HDAC9: variants seen among roughly 807,000 people sequenced by gnomAD.
The protein encoded by HDAC9 is histone deacetylase 9, also known as MEF-2 interacting transcription repressor (MITR) protein.
A neutral mutation model predicts 139.4 loss-of-function variants in HDAC9; 41 were observed. The observed-to-expected ratio is 0.29, with a 90% CI of 0.23 to 0.38. HDAC9 has a LOEUF of 0.38. Ranked by LOEUF, HDAC9 falls within the 10% of genes least tolerant of loss-of-function variation. The pLI is 1.00. For missense variants in HDAC9, 1,147 were observed against 1,297.0 expected (o/e 0.88, Z 1.78); for synonymous variants, 517 against 476.2 (o/e 1.09, Z -1.12).
chr7:18,340,744 A>T (rs1781942951), intron 1 of HDAC9, among the ~76,000 whole-genome samples: 1 of 151,612 alleles, frequency 6.6e-6, no homozygotes, highest in South Asian at 2.1e-4. Context: ...TTGTTTAAAC[A>T]TTCAAGTATC....
intron 1 of HDAC9, among the ~76,000 whole-genome samples, chr7:18,328,749 C>A (rs1222384682): frequency 6.6e-6 from 1 of 151,730 alleles, no homozygotes; most frequent in Non-Finnish European, 1.5e-5. Flanking sequence ...GAATATTGGC[C>A]TGTAGTTTAT....
At chr7:18,558,569 T>G (rs1233585285) in intron 2 of HDAC9, among the ~76,000 whole-genome samples, 2 of 152,162 alleles carry the variant, frequency 1.3e-5, no homozygotes, top group Non-Finnish European at 2.9e-5. Context: ...ATAAATAGAT[T>G]TAGTCCCTCT....
chr7:18,705,322 C>G (rs1783802196), intron 12 of HDAC9, among the ~76,000 whole-genome samples: 1 of 152,122 alleles, frequency 6.6e-6, no homozygotes, highest in Non-Finnish European at 1.5e-5. Flanking sequence ...TAGTAACACC[C>G]TTCTTCCCTA....
chr7:18,784,816 G>A (rs1439901350), intron 16 of HDAC9, among the ~76,000 whole-genome samples: 2 of 152,058 alleles, frequency 1.3e-5, no homozygotes, highest in Admixed American at 6.6e-5. Flanking sequence ...TTAACAGAAT[G>A]AATCATGGCC....
At chr7:18,138,872 T>C (rs1472852364) in intron 1 of HDAC9, among the ~76,000 whole-genome samples, 1 of 152,104 alleles carries the variant, frequency 6.6e-6, no homozygotes, top group East Asian at 1.9e-4. Flanking sequence ...TTCTCTTTAT[T>C]ATACCTTCCT....
At chr7:18,104,784 C>G (rs975098959) in intron 1 of HDAC9, among the ~76,000 whole-genome samples, 1 of 152,114 alleles carries the variant, frequency 6.6e-6, no homozygotes, top group Non-Finnish European at 1.5e-5. Flanking sequence ...TCCCTTTACT[C>G]TGTAAGGGAG....
intron 14 of HDAC9, among the ~76,000 whole-genome samples, chr7:18,751,475 C>T (rs1461657091): frequency 1.3e-5 from 2 of 151,854 alleles, no homozygotes; most frequent in Non-Finnish European, 2.9e-5. Flanking sequence ...ATTATGTTGC[C>T]GATATTATTT....
At chr7:18,336,037 A>G (rs1781558645) in intron 1 of HDAC9, among the ~76,000 whole-genome samples, 1 of 151,648 alleles carries the variant, frequency 6.6e-6, no homozygotes, top group South Asian at 2.1e-4. Context: ...ATGCTTTTAC[A>G]TTTTCTCTTA....
intron 9 of HDAC9, among the ~76,000 whole-genome samples, chr7:18,645,049 A>G (rs1248197759): frequency 2.0e-5 from 3 of 152,124 alleles, no homozygotes; most frequent in Admixed American, 6.6e-5. Flanking sequence ...AAAAAAAAGC[A>G]CTTTCCAGAT....
At chr7:18,214,099 A>G (rs1330245495) in intron 2 of HDAC9, among the ~76,000 whole-genome samples, 1 of 152,158 alleles carries the variant, frequency 6.6e-6, no homozygotes, top group East Asian at 1.9e-4. Context: ...TTTAAGCCTC[A>G]CTACAACATA....
At chr7:18,138,556 G>GCACA (rs1562662974) in intron 1 of HDAC9, among the ~76,000 whole-genome samples, 2 of 133,488 alleles carry the variant, frequency 1.5e-5, no homozygotes, top group African/African-American at 6.6e-5. Context: ...GTGTGTGTGT[G>GCACA]TGTGTGTGCA....
At chr7:18,869,220 C>G (rs1798729554) in intron 21 of HDAC9, among the ~76,000 whole-genome samples, 1 of 147,706 alleles carries the variant, frequency 6.8e-6, no homozygotes, top group South Asian at 2.1e-4. Context: ...GGAGAGTTGT[C>G]TTGGTCCGGA....
At chr7:18,549,955 T>C (rs1816561457) in intron 2 of HDAC9, among the ~76,000 whole-genome samples, 1 of 151,944 alleles carries the variant, frequency 6.6e-6, no homozygotes, top group Admixed American at 6.6e-5. Context: ...CTTTTTTTTT[T>C]GTAGGATACT....
intron 2 of HDAC9, among the ~76,000 whole-genome samples, chr7:18,246,522 C>A (rs1284767155): frequency 6.6e-6 from 1 of 152,056 alleles, no homozygotes; most frequent in East Asian, 1.9e-4. Context: ...CCATTCCCAC[C>A]TTCCTCAGAC....
At chr7:18,374,918 C>A (rs1216600777) in intron 1 of HDAC9, among the ~76,000 whole-genome samples, 1 of 152,062 alleles carries the variant, frequency 6.6e-6, no homozygotes, top group African/African-American at 2.4e-5. Flanking sequence ...TAAAGCATTC[C>A]TCACGTGTTT....
intron 2 of HDAC9, among the ~76,000 whole-genome samples, chr7:18,536,530 T>A (rs1268300186): frequency 6.6e-6 from 1 of 152,194 alleles, no homozygotes; most frequent in Admixed American, 6.6e-5. Flanking sequence ...GAGGAAACAT[T>A]CAGTTACATT....
intron 12 of HDAC9, among the ~76,000 whole-genome samples, chr7:18,713,513 A>G (rs1033625111): frequency 5.9e-5 from 9 of 152,332 alleles, no homozygotes; most frequent in East Asian, 1.9e-4. Context: ...CACCATGAAT[A>G]TATACCACTC....
At chr7:18,786,947 G>T (rs895317461) in intron 16 of HDAC9, among the ~76,000 whole-genome samples, 6 of 151,526 alleles carry the variant, frequency 4.0e-5, no homozygotes, top group African/African-American at 7.3e-5. Context: ...AAGTGCTCAG[G>T]ATTCTATGAG....
intron 1 of HDAC9, among the ~76,000 whole-genome samples, chr7:18,453,360 C>T (rs909611522): frequency 2.0e-5 from 3 of 152,032 alleles, no homozygotes; most frequent in Admixed American, 6.6e-5. Context: ...AGCTAAAATC[C>T]ATTTAGTTAA....
Sources: allele counts gnomAD v4.1 joint callset (sites outside exome capture counted in the v4.1 genomes callset), GRCh38; gene constraint gnomAD v4.1.1; transcripts MANE v1.5; gene names NCBI Gene and HGNC (gene_info 2026-07-23, HGNC 2026-07-21).